ARL14EP: variants seen among roughly 807,000 people sequenced by gnomAD.
ARL14EP encodes ARF like GTPase 14 effector protein.
A neutral mutation model predicts 23.1 loss-of-function variants in ARL14EP; 12 were observed. The ratio of observed to expected loss-of-function variants is 0.52; its 90% confidence interval spans 0.33 to 0.84. The LOEUF (loss-of-function observed/expected upper bound fraction) is 0.84. Ranked by LOEUF, ARL14EP falls within the 40% of genes least tolerant of loss-of-function variation. The probability of loss-of-function intolerance (pLI) is 0.02; values close to 1 mark genes in which losing one functional copy is unlikely to be tolerated. For missense variants in ARL14EP, 253 were observed against 307.3 expected (o/e 0.82, Z 1.32); for synonymous variants, 97 against 102.0 (o/e 0.95, Z 0.29).
chr11:30,332,842 G>T (rs1330292082), intron 2 of ARL14EP, 24 bp from the exon 3 acceptor site: 5 of 1,610,838 alleles, frequency 3.1e-6, no homozygotes, highest in South Asian at 1.1e-5. Flanking sequence ...GATTTGAGTT[G>T]ATAATTTGTT....
rs774425239 is a variant in ARL14EP, at chr11:30,336,581, C to G, written c.569C>G (p.Ala190Gly). The G allele has an allele frequency of 2.4e-5, 38 of 1,612,814 alleles. No homozygotes were observed. Among genetic ancestry groups the G allele is most frequent in the Non-Finnish European group, 3.0e-5 (35 of 1,179,384 alleles). ...TAGSDRQVIP[A>G]KSKVYDSQGL... ...TTATTTTACAGACAAGTGATACCAG[C>G]AAAGAGTAAGGTCTATGATAGCCAG... Residue 190 changes from alanine to glycine, a missense_variant, in exon 4 of 4, where the codon GCA becomes GGA. Physicochemically the swap from Ala to Gly is moderately conservative, Grantham distance 60. Transcript: ENST00000282032.
At chr11:30,331,537 A>T (rs1590667928) in intron 2 of ARL14EP, 163 bp downstream of exon 2, 5 of 1,457,846 alleles carry the variant, frequency 3.4e-6, no homozygotes, top group Non-Finnish European at 4.5e-6. Flanking sequence ...ATTCACATAT[A>T]CTGAAGGTCA....
intron 1 of ARL14EP, among the ~76,000 whole-genome samples, chr11:30,326,857 T>C (rs1288119621): frequency 1.3e-5 from 2 of 151,946 alleles, no homozygotes; most frequent in African/African-American, 2.4e-5. Context: ...CTCAAGTGAG[T>C]GGGATTAGTT....
At chr11:30,333,816 T>A (rs1210322701) in intron 3 of ARL14EP, among the ~76,000 whole-genome samples, 1 of 152,204 alleles carries the variant, frequency 6.6e-6, no homozygotes, top group East Asian at 1.9e-4. Context: ...AAGCTGGGCC[T>A]CTTGTGCTAA....
At chr11:30,324,824 A>G (rs1947225070) in intron 1 of ARL14EP, among the ~76,000 whole-genome samples, 1 of 152,360 alleles carries the variant, frequency 6.6e-6, no homozygotes, top group Non-Finnish European at 1.5e-5. Context: ...GAGAGGTCTA[A>G]TCAAAGTATT....
rs1425010588 is a variant in ARL14EP, at chr11:30,338,156, T to G, written c.*1361T>G. On this transcript the variant is annotated 3_prime_UTR_variant, in exon 4 of 4. Transcript: ENST00000282032. ...GTATTAAACTGTTTTGGAAATAATT[T>G]ATATATCTAAGTGCTGAAATATATT... The G allele has an allele frequency of 6.6e-6, 1 of 152,244 alleles. No homozygotes were observed. Among genetic ancestry groups the G allele is most frequent in the Non-Finnish European group, 1.5e-5 (1 of 68,046 alleles). The allele number at this position is 152,244 out of a possible 1,614,324, so 9.4% of individuals were successfully genotyped here. A position where few individuals can be genotyped will look rare whatever the true frequency, so the allele number is the denominator to read the frequency against.
At chr11:30,325,086 G>T (rs781535955) in intron 1 of ARL14EP, among the ~76,000 whole-genome samples, 2 of 152,184 alleles carry the variant, frequency 1.3e-5, no homozygotes, top group African/African-American at 4.8e-5. Context: ...GCAATGGGTA[G>T]AACCAAAAGA....
intron 1 of ARL14EP, chr11:30,330,111 C>T (rs1354409917): frequency 6.6e-6 from 1 of 151,992 alleles, no homozygotes; most frequent in Admixed American, 6.6e-5. Flanking sequence ...GTCCCTTCTT[C>T]ATTAGTGTGT....
Position 30,336,592 on chromosome 11 carries a change from G to T in ARL14EP, c.580G>T (p.Val194Phe). ...ACAAGTGATACCAGCAAAGAGTAAG[G>T]TCTATGATAGCCAGGGTCTCCTGAT... ...DRQVIPAKSK[V>F]YDSQGLLIFS... Residue 194 changes from valine to phenylalanine, a missense_variant, in exon 4 of 4, where the codon GTC becomes TTC. Transcript: ENST00000282032. 1 of 1,613,754 alleles carries T rather than the reference G, an allele frequency of 6.2e-7. No homozygotes were observed. Among genetic ancestry groups the T allele is most frequent in the South Asian group, 1.1e-5 (1 of 91,066 alleles).
intron 1 of ARL14EP, among the ~76,000 whole-genome samples, chr11:30,327,478 T>C (rs922526600): frequency 1.3e-5 from 2 of 152,164 alleles, no homozygotes; most frequent in Non-Finnish European, 2.9e-5. Context: ...CTATCAAATA[T>C]GACCATGGTA....
At chr11:30,328,906 A>AT (rs902509373) in intron 1 of ARL14EP, 1 of 151,388 alleles carries the variant, frequency 6.6e-6, no homozygotes, top group Non-Finnish European at 1.5e-5. Context: ...TCAACAGCAG[A>AT]TTTTTTCCTA....
chr11:30,323,883 G>A (rs1947215580), intron 1 of ARL14EP, among the ~76,000 whole-genome samples: 3 of 152,308 alleles, frequency 2.0e-5, no homozygotes, highest in South Asian at 4.1e-4. Context: ...AATGATGTTT[G>A]CCCTAAGCAC....
Position 30,331,656 on chromosome 11 carries a change from T to C in ARL14EP, c.426+282T>C, listed in dbSNP as rs544407389. 21 of 1,246,314 alleles carry C rather than the reference T, an allele frequency of 1.7e-5. No homozygotes were observed. In the East Asian group the frequency reaches 8.4e-4, roughly 50 times the overall value. 77.2% of individuals were successfully genotyped at this position (1,246,314 alleles called of 1,614,324 possible). On this transcript the variant is annotated intron_variant, in intron 2 of 3. Transcript: ENST00000282032. ...ACTTTAGGAGTGGGTTTTAGAATAT[T>C]CTGGCCAAGCCAGGATTTAGTTTCT...
intron 1 of ARL14EP, among the ~76,000 whole-genome samples, chr11:30,324,451 C>T (rs1204202529): frequency 3.9e-5 from 6 of 152,156 alleles, no homozygotes; most frequent in South Asian, 2.1e-4. Context: ...ATTTCTGCAT[C>T]TCCCCTACAA....
Position 30,331,230 on chromosome 11 carries a change from CTT to C in ARL14EP, c.283_284del (p.Leu95ArgfsTer2). 6.2e-7 allele frequency: 1 copy of C among 1,613,934 alleles called. No individual in the cohort carries two copies. Among genetic ancestry groups the C allele is most frequent in the South Asian group, 1.1e-5 (1 of 91,074 alleles). ...CCAAAAAAAATTTGCATGTAATTGA[CTT>C]AGATGATGCCACTTTTCTGAGTGCT... ...LAKKNLHVID[L>X]DDATFLSAKF... On this transcript the variant is annotated frameshift_variant, in exon 2 of 4. Transcript: ENST00000282032. LOFTEE classifies it high-confidence loss of function.
intron 1 of ARL14EP, among the ~76,000 whole-genome samples, chr11:30,324,454 C>G (rs1225669788): frequency 6.6e-6 from 1 of 152,038 alleles, no homozygotes; most frequent in Non-Finnish European, 1.5e-5. Context: ...TCTGCATCTC[C>G]CCTACAAATT....
intron 2 of ARL14EP, 94 bp from the exon 3 acceptor site, chr11:30,332,772 A>C (rs529619941): frequency 6.8e-7 from 1 of 1,474,212 alleles, no homozygotes; most frequent in East Asian, 2.4e-5. Flanking sequence ...ACTGTCTTCC[A>C]TGTTAGGGAA....
intron 3 of ARL14EP, among the ~76,000 whole-genome samples, chr11:30,335,755 CA>C (rs148912764): frequency 1.5e-5 from 2 of 137,110 alleles, no homozygotes; most frequent in East Asian, 2.3e-4. Context: ...ACTGGAAAAG[CA>C]AAAAAATATA....
rs2133656334 is a variant in ARL14EP at position 30,336,843 on chromosome 11, A to G, written c.*48A>G. 4.0e-6 allele frequency: 6 copies of G among 1,488,282 alleles called. No individual in the cohort carries two copies. The highest frequency in any genetic ancestry group is 2.3e-5 in the East Asian group (1 of 44,220). 92.2% of individuals were successfully genotyped at this position (1,488,282 alleles called of 1,614,324 possible). On this transcript the variant is annotated 3_prime_UTR_variant, in exon 4 of 4. Transcript: ENST00000282032. ...CCTTTAAAGGTCTTTATTTCTAAAA[A>G]TCTGTTACTCTAAGATACATTTTAA...
Sources: gnomAD v4.1 joint callset for allele counts (sites outside exome capture counted in the v4.1 genomes callset) on GRCh38, gnomAD v4.1.1 for gene constraint, MANE v1.5 for transcripts, NCBI Gene and HGNC (gene_info 2026-07-23, HGNC 2026-07-21) for gene names.